ZNF804A: variants seen among roughly 807,000 people sequenced by gnomAD.
The protein encoded by ZNF804A is zinc finger protein 804A.
Under a neutral mutation model 16.5 loss-of-function variants are expected in ZNF804A, and 2 were observed. That is an observed-to-expected ratio of 0.12 (90% CI 0.05 to 0.38). ZNF804A has a LOEUF of 0.38. ZNF804A is among the 10% of genes least tolerant of loss of function. ZNF804A has a pLI of 0.99. For synonymous variants in ZNF804A, 534 were observed against 489.6 expected (o/e 1.09, Z -1.20); for missense variants, 1,473 against 1,390.7 (o/e 1.06, Z -0.94).
chr2:184,873,534 T>G (rs1050793947), intron 2 of ZNF804A, among the ~76,000 whole-genome samples: 1 of 152,170 alleles, frequency 6.6e-6, no homozygotes, highest in African/African-American at 2.4e-5. Flanking sequence ...TTTTGTAAGT[T>G]TAACTGCATG....
At chr2:184,602,701 C>A (rs1259751886) in intron 1 of ZNF804A, among the ~76,000 whole-genome samples, 1 of 151,868 alleles carries the variant, frequency 6.6e-6, no homozygotes, top group Non-Finnish European at 1.5e-5. Flanking sequence ...TCATTACATT[C>A]TATTATTTGG....
intron 1 of ZNF804A, among the ~76,000 whole-genome samples, chr2:184,645,110 G>T (rs918151600): frequency 2.0e-5 from 3 of 151,932 alleles, no homozygotes; most frequent in East Asian, 1.9e-4. Context: ...AATGACATAA[G>T]CCCATTAATG....
chr2:184,646,735 C>G lies in ZNF804A; in HGVS notation c.111+47665C>G, dbSNP rs541482332. Reference sequence around the variant, plus strand: ...TAGGAATTTAGACTACCCCCCATCCCCATGCAGTTAACTTGAGGCCATGGA... The same window carrying G: ...TAGGAATTTAGACTACCCCCCATCCGCATGCAGTTAACTTGAGGCCATGGA... On this transcript the variant is annotated intron_variant, in intron 1 of 3. Transcript: ENST00000302277. Among the ~76,000 whole-genome samples, 9 of 152,374 alleles carry G rather than the reference C, an allele frequency of 5.9e-5. No homozygotes were observed. The South Asian group carries it at 1.9e-3, about 32-fold the overall frequency.
intron 1 of ZNF804A, among the ~76,000 whole-genome samples, chr2:184,829,708 T>C (rs1242337498): frequency 4.0e-5 from 6 of 151,328 alleles, no homozygotes; most frequent in African/African-American, 1.5e-4. Flanking sequence ...TCTTTGGAGA[T>C]TAAGATTTTC....
intron 1 of ZNF804A, among the ~76,000 whole-genome samples, chr2:184,856,729 A>G (rs1179475561): frequency 1.3e-5 from 2 of 152,120 alleles, no homozygotes; most frequent in African/African-American, 2.4e-5. Flanking sequence ...TGAAAATATT[A>G]TATAAAATCA....
intron 3 of ZNF804A, among the ~76,000 whole-genome samples, chr2:184,934,523 G>A (rs1298884636): frequency 6.6e-6 from 1 of 152,008 alleles, no homozygotes; most frequent in Non-Finnish European, 1.5e-5. Flanking sequence ...AAAATAAAAT[G>A]TATATGTATT....
At chr2:184,826,052 T>C (rs1695162573) in intron 1 of ZNF804A, among the ~76,000 whole-genome samples, 1 of 151,562 alleles carries the variant, frequency 6.6e-6, no homozygotes. Context: ...TTTATTTATT[T>C]ATTTTGTATT....
rs1169514037 is a variant in ZNF804A at position 184,937,549 on chromosome 2, A to T, written c.2153A>T (p.Tyr718Phe). Residue 718 changes from tyrosine (Y) to phenylalanine (F), a missense_variant, in exon 4 of 4, where the codon TAT (tyrosine) becomes TTT (phenylalanine). Transcript: ENST00000302277. ...CATTCTGGGAAACATAATTTAACAT[A>T]TTCTAGAACTTACTGTTGTTGGAAA... ...MIHSGKHNLTYSRTYCCWKTK... is the reference protein window; with the variant it reads ...MIHSGKHNLTFSRTYCCWKTK... The T allele has an allele frequency of 6.2e-7, 1 of 1,612,386 alleles. No homozygotes were observed. The highest frequency in any genetic ancestry group is 1.7e-5 in the Admixed American group (1 of 59,402).
chr2:184,836,350 A>G (rs1441359367), intron 1 of ZNF804A, among the ~76,000 whole-genome samples: 1 of 152,078 alleles, frequency 6.6e-6, no homozygotes, highest in Non-Finnish European at 1.5e-5. Context: ...TCACAAACCT[A>G]GGGGAGTTGT....
At chr2:184,778,390 GT>G (rs1419447612) in intron 1 of ZNF804A, among the ~76,000 whole-genome samples, 2 of 151,364 alleles carry the variant, frequency 1.3e-5, no homozygotes, top group African/African-American at 4.8e-5. Flanking sequence ...TTTTTGTTGG[GT>G]GTACATTATA....
At chr2:184,641,276 C>G (rs1166682544) in intron 1 of ZNF804A, among the ~76,000 whole-genome samples, 2 of 152,090 alleles carry the variant, frequency 1.3e-5, no homozygotes, top group Admixed American at 6.5e-5. Context: ...GTACAAATTG[C>G]TAATATAAAG....
At chr2:184,665,506 A>G (rs1210281420) in intron 1 of ZNF804A, among the ~76,000 whole-genome samples, 1 of 152,196 alleles carries the variant, frequency 6.6e-6, no homozygotes, top group Non-Finnish European at 1.5e-5. Flanking sequence ...ACAAAATACT[A>G]CACATTTAAC....
At position 184,689,119 on chromosome 2, in the gene ZNF804A, A is replaced by G. The variant is rs570732797; in HGVS notation, c.111+90049A>G. ...CCCACTAGGTTCTGTGTTATGTGTTATTCCATCAAGCTTTGAATCGATGGG... is the reference window on the plus strand; with the variant it reads ...CCCACTAGGTTCTGTGTTATGTGTTGTTCCATCAAGCTTTGAATCGATGGG... On this transcript the variant is annotated intron_variant, in intron 1 of 3. Transcript: ENST00000302277. Among the ~76,000 whole-genome samples the G allele has an allele frequency of 2.0e-5, 3 of 152,296 alleles. No homozygotes were observed. The South Asian group carries it at 6.2e-4, about 32-fold the overall frequency.
At chr2:184,897,415 T>C (rs77863539) in intron 2 of ZNF804A, among the ~76,000 whole-genome samples, 9,165 of 149,908 alleles carry the variant, frequency 0.061, 977 homozygotes, top group African/African-American at 0.21. Flanking sequence ...TTTGGATTTT[T>C]CCCCCCCTTT....
chr2:184,832,368 C>T (rs941669623), intron 1 of ZNF804A, among the ~76,000 whole-genome samples: 2 of 151,972 alleles, frequency 1.3e-5, no homozygotes, highest in African/African-American at 4.8e-5. Flanking sequence ...AGTTATTATA[C>T]CATGTTACAT....
intron 2 of ZNF804A, among the ~76,000 whole-genome samples, chr2:184,927,311 C>G (rs928877838): frequency 6.6e-6 from 1 of 152,244 alleles, no homozygotes; most frequent in African/African-American, 2.4e-5. Context: ...CAGACAAAGA[C>G]TCCTGTTCTT....
intron 1 of ZNF804A, among the ~76,000 whole-genome samples, chr2:184,660,741 G>A (rs192918988): frequency 2.0e-5 from 3 of 152,300 alleles, no homozygotes; most frequent in African/African-American, 7.2e-5. Context: ...GCTACACTTG[G>A]GATATCTAGA....
At chr2:184,737,889 C>T (rs944162344) in intron 1 of ZNF804A, among the ~76,000 whole-genome samples, 7 of 151,948 alleles carry the variant, frequency 4.6e-5, no homozygotes, top group African/African-American at 1.2e-4. Flanking sequence ...TTTGGAAGGC[C>T]GAGGCAGGCT....
chr2:184,683,016 A>G (rs1310689322), intron 1 of ZNF804A, among the ~76,000 whole-genome samples: 1 of 152,170 alleles, frequency 6.6e-6, no homozygotes, highest in African/African-American at 2.4e-5. Context: ...ATAAAATAAA[A>G]CAGAGTGAGA....
Sources: allele counts gnomAD v4.1 joint callset (sites outside exome capture counted in the v4.1 genomes callset), GRCh38; gene constraint gnomAD v4.1.1; transcripts MANE v1.5; gene names NCBI Gene and HGNC (gene_info 2026-07-23, HGNC 2026-07-21).